Variants in UBE2Z observed in about 807,000 individuals in gnomAD.
UBE2Z encodes the protein ubiquitin-conjugating enzyme E2 Z.
Under a neutral mutation model 32.6 loss-of-function variants are expected in UBE2Z, and 10 were observed. The ratio of observed to expected loss-of-function variants is 0.31; its 90% CI spans 0.19 to 0.52. The LOEUF (loss-of-function observed/expected upper bound fraction) is 0.52, where lower values mean the gene tolerates loss of function less well. Ranked by LOEUF, UBE2Z falls within the 20% of genes least tolerant of loss-of-function variation. The pLI, the probability that UBE2Z is intolerant of heterozygous loss-of-function variation, is 0.97. For missense variants in UBE2Z, 343 were observed against 480.9 expected (o/e 0.71, Z 2.68); for synonymous variants, 183 against 190.8 (o/e 0.96, Z 0.34).
rs747862204 is a variant in UBE2Z, at chr17:48,927,145, C to CAA, written c.*12_*13insAA. ...AGCCTGAGGGTTTAGACCCTGCTCC[C>CAA]ATCTCCCCTTCCCCCACTCAAGAGT... On this transcript the variant is annotated 3_prime_UTR_variant, in exon 7 of 7. Transcript: ENST00000360943. The CAA allele has an allele frequency of 2.4e-5, 39 of 1,613,032 alleles. No homozygotes were observed. Among genetic ancestry groups the CAA allele is most frequent in the Non-Finnish European group, 3.1e-5 (37 of 1,179,424 alleles).
chr17:48,913,050 C>T (rs781725452), intron 3 of UBE2Z, 29 bp downstream of exon 3: 11 of 1,603,736 alleles, frequency 6.9e-6, no homozygotes, highest in South Asian at 5.5e-5. Context: ...GTAGCCAAGT[C>T]GGTTGTTAGC....
rs754209016 is a variant in UBE2Z, at chr17:48,921,214, A to G, written c.745A>G (p.Ile249Val). ...TAATGAATGTATCCGGCACGAGACC[A>G]TCAGAGTTGCAGTCTGTGACATGAT... ...NYNECIRHETIRVAVCDMMEG... is the reference protein window; with the variant it reads ...NYNECIRHETVRVAVCDMMEG... Residue 249 changes from isoleucine (I) to valine (V), a missense_variant, in exon 5 of 7, where the codon ATC becomes GTC. Ile to Val is a conservative substitution (Grantham distance 29). This residue lies in a region of UBE2Z where 182 missense variants were observed against 312.4 expected (regional missense o/e 0.58). Transcript: ENST00000360943. 2.5e-6 allele frequency: 4 copies of G among 1,613,170 alleles called. No homozygotes were observed. The highest frequency in any genetic ancestry group is 3.4e-6 in the Non-Finnish European group (4 of 1,179,554).
At chr17:48,914,041 A>G (rs1473455225) in intron 3 of UBE2Z, among the ~76,000 whole-genome samples, 4 of 152,148 alleles carry the variant, frequency 2.6e-5, no homozygotes, top group Non-Finnish European at 5.9e-5. Context: ...TGACCTGATT[A>G]TAATATTTTA....
rs2040772801 is a variant in UBE2Z at position 48,923,079 on chromosome 17, T to G, written c.894+142T>G. The G allele has an allele frequency of 8.6e-6, 6 of 700,300 alleles. No homozygotes were observed. The South Asian group carries it at 1.1e-4, about 13-fold the overall frequency. The allele number at this position is 700,300 out of a possible 1,614,324, so 43.4% of individuals were successfully genotyped here. ...GCTCATGCCTGTAATCCCAGCACTT[T>G]GGGAGGCCAAGGCGGGCGGATCACG... On this transcript the variant is annotated intron_variant, in intron 6 of 6. Transcript: ENST00000360943.
At chr17:48,920,003 A>G (rs1327512454) in intron 4 of UBE2Z, among the ~76,000 whole-genome samples, 1 of 151,700 alleles carries the variant, frequency 6.6e-6, no homozygotes, top group Non-Finnish European at 1.5e-5. Context: ...CAACGTAGTG[A>G]GACCTTGTCT....
intron 6 of UBE2Z, 190 bp downstream of exon 6, chr17:48,923,127 C>A: frequency 2.1e-6 from 1 of 471,654 alleles, no homozygotes; most frequent in Non-Finnish European, 3.8e-6. Flanking sequence ...TGAGACCATC[C>A]TGGCTAACAC....
intron 3 of UBE2Z, 124 bp from the exon 4 acceptor site, chr17:48,915,952 C>A: frequency 1.9e-6 from 1 of 520,128 alleles, no homozygotes; most frequent in Non-Finnish European, 3.3e-6. Context: ...TGGGAAATTC[C>A]AGAGTATTAA....
Position 48,908,560 on chromosome 17 carries a change from C to T in UBE2Z, c.57C>T (p.Pro19=). 6 of 1,237,784 alleles carry T rather than the reference C, an allele frequency of 4.8e-6. No individual in the cohort carries two copies. In the South Asian group the frequency reaches 2.0e-4, roughly 42 times the overall value. 76.7% of individuals were successfully genotyped at this position (1,237,784 alleles called of 1,614,324 possible). The change falls in exon 1 of 7, where the codon CCC becomes CCT. Residue 19 remains proline (P), a synonymous_variant. Coordinates refer to ENST00000360943, the MANE Select transcript of UBE2Z (RefSeq NM_023079.5). ...AATAGAGAAG[P]GASSVAGVVG... ...CGGCGGGCGCCGGGGCGGCGGGCCC[C>T]GGGGCGAGCAGCGTTGCTGGTGTTG...
intron 6 of UBE2Z, among the ~76,000 whole-genome samples, chr17:48,926,635 C>T (rs1024728402): frequency 4.6e-5 from 7 of 152,072 alleles, no homozygotes; most frequent in Non-Finnish European, 7.4e-5. Context: ...GCATGCGCCA[C>T]GACACCCGGC....
chr17:48,908,888 T>TCCCACTACAACTCACCCCCCA, intron 1 of UBE2Z, 68 bp downstream of exon 1: 1 of 957,468 alleles, frequency 1.0e-6, no homozygotes, highest in Non-Finnish European at 1.3e-6. Context: ...CCCCACCCTC[T>TCCCACTACAACTCACCCCCCA]CCCACTACAA....
rs752229293 is a variant in UBE2Z at position 48,916,201 on chromosome 17, G to C, written c.690+14G>C. 2 of 1,494,644 alleles carry C rather than the reference G, an allele frequency of 1.3e-6. No homozygotes were observed. Among genetic ancestry groups the C allele is most frequent in the South Asian group, 2.6e-5 (2 of 76,576 alleles). 92.6% of individuals were successfully genotyped at this position (1,494,644 alleles called of 1,614,324 possible). ...GGCTTTGAACAGGTAAGGCCAGATG[G>C]GCCTGGCTCTGGGGTGTAGACTATT... On this transcript the variant is annotated intron_variant, in intron 4 of 6. Coordinates refer to ENST00000360943, the MANE Select transcript of UBE2Z (RefSeq NM_023079.5).
intron 3 of UBE2Z, among the ~76,000 whole-genome samples, chr17:48,915,421 G>C (rs571468021): frequency 6.6e-6 from 1 of 152,298 alleles, no homozygotes; most frequent in Admixed American, 6.5e-5. Context: ...CATCCAAGCT[G>C]TCCCCTCCCC....
At chr17:48,909,332 C>T (rs2040658018) in intron 1 of UBE2Z, among the ~76,000 whole-genome samples, 1 of 151,938 alleles carries the variant, frequency 6.6e-6, no homozygotes, top group South Asian at 2.1e-4. Flanking sequence ...TCTTTTTATC[C>T]TCCGTTTTTC....
At chr17:48,921,303 C>T in intron 5 of UBE2Z, 31 bp downstream of exon 5, 1 of 1,563,294 alleles carries the variant, frequency 6.4e-7, no homozygotes, top group Non-Finnish European at 8.7e-7. Context: ...CTTGGTATTC[C>T]TTTCGGGCAT....
At chr17:48,908,894 T>G in intron 1 of UBE2Z, 74 bp downstream of exon 1, 9 of 909,474 alleles carry the variant, frequency 9.9e-6, no homozygotes, top group Non-Finnish European at 1.1e-5. Flanking sequence ...CCTCTCCCAC[T>G]ACAACTCACC....
intron 6 of UBE2Z, 62 bp downstream of exon 6, chr17:48,922,999 C>T: frequency 6.9e-7 from 1 of 1,446,550 alleles, no homozygotes; most frequent in Non-Finnish European, 9.5e-7. Context: ...AAGCCCCCCA[C>T]AAGCGTGGCA....
rs760465747 is a variant in UBE2Z, at chr17:48,916,106, C to A, written c.609C>A (p.Ala203=). ...GGACTGGACCTGCCTGGAGCCCAGC[C>A]CAGAGCATCTCCTCAGTGCTCATCT... The part of the protein sequence containing the change: ...GTWTGPAWSP[A]QSISSVLISI... Residue 203 remains alanine (A), a synonymous_variant, in exon 4 of 7, where the codon GCC becomes GCA. Transcript: ENST00000360943. The A allele has an allele frequency of 6.9e-6, 11 of 1,590,060 alleles. No homozygotes were observed. In the Admixed American group the frequency reaches 1.6e-4, roughly 24 times the overall value.
intron 5 of UBE2Z, among the ~76,000 whole-genome samples, chr17:48,922,627 C>T (rs1466081785): frequency 6.7e-6 from 1 of 149,536 alleles, no homozygotes; most frequent in African/African-American, 2.5e-5. Context: ...ATTAGCCAGG[C>T]GTGGTGGCAT....
At chr17:48,921,110 T>C (rs1262890196) in intron 4 of UBE2Z, 50 bp from the exon 5 acceptor site, 1 of 1,504,430 alleles carries the variant, frequency 6.6e-7, no homozygotes, top group South Asian at 1.2e-5. Context: ...TTCCCATTGG[T>C]TTTCTTTTTG....
Sources: allele counts gnomAD v4.1 joint callset (sites outside exome capture counted in the v4.1 genomes callset), GRCh38; gene constraint gnomAD v4.1.1; regional missense constraint gnomAD v4.1.1; transcripts MANE v1.5; gene names NCBI Gene and HGNC (gene_info 2026-07-23, HGNC 2026-07-21).